CEP162: variants seen among roughly 807,000 people sequenced by gnomAD.
CEP162 encodes the protein centrosomal protein of 162 kDa.
In CEP162, 141 loss-of-function variants were observed where a neutral mutation model predicts 169.2. That is an observed-to-expected ratio of 0.83 (90% CI 0.73 to 0.96). The LOEUF (loss-of-function observed/expected upper bound fraction) is 0.96. CEP162 is among the 40% of genes least tolerant of loss of function. The pLI, the probability that CEP162 is intolerant of heterozygous loss-of-function variation, is 0.00. For synonymous variants in CEP162, 540 were observed against 526.4 expected (o/e 1.03, Z -0.35); for missense variants, 1,600 against 1,587.2 (o/e 1.01, Z -0.14).
chr6:84,205,137 C>T (rs1168440728), intron 6 of CEP162, among the ~76,000 whole-genome samples: 1 of 152,096 alleles, frequency 6.6e-6, no homozygotes, highest in Non-Finnish European at 1.5e-5. Context: ...CCAAATTCTA[C>T]CAGAGGTACA....
At chr6:84,211,479 A>G (rs2099549419) in intron 6 of CEP162, among the ~76,000 whole-genome samples, 1 of 140,212 alleles carries the variant, frequency 7.1e-6, no homozygotes, top group South Asian at 2.6e-4. Flanking sequence ...GTTAGCCGAG[A>G]TGGTATCACT....
intron 25 of CEP162, among the ~76,000 whole-genome samples, chr6:84,138,215 CCTT>C (rs2099514991): frequency 6.6e-6 from 1 of 152,242 alleles, no homozygotes; most frequent in East Asian, 1.9e-4. Flanking sequence ...GGAGACTCCT[CCTT>C]TAAATAACTA....
At chr6:84,211,895 CAA>C (rs577310104) in intron 6 of CEP162, among the ~76,000 whole-genome samples, 4 of 104,712 alleles carry the variant, frequency 3.8e-5, no homozygotes, top group Non-Finnish European at 2.1e-5. Flanking sequence ...GTCAAATTGC[CAA>C]AAAAAAAAAA....
chr6:84,170,742 T>C (rs1244237218), intron 17 of CEP162, among the ~76,000 whole-genome samples: 1 of 152,194 alleles, frequency 6.6e-6, no homozygotes, highest in Non-Finnish European at 1.5e-5. Flanking sequence ...TAAAAGAAGA[T>C]AGTATGCTAG....
intron 14 of CEP162, 123 bp downstream of exon 14, chr6:84,175,091 G>C: frequency 1.2e-6 from 1 of 863,252 alleles, no homozygotes; most frequent in Non-Finnish European, 1.7e-6. Context: ...TTTAGTAAGA[G>C]TGATTACAGT....
At chr6:84,148,191 T>C (rs1330296087) in intron 24 of CEP162, among the ~76,000 whole-genome samples, 1 of 152,116 alleles carries the variant, frequency 6.6e-6, no homozygotes, top group Non-Finnish European at 1.5e-5. Flanking sequence ...GTATTTTTCA[T>C]TAACGTAGTC....
At chr6:84,196,859 A>G (rs1237999196) in intron 9 of CEP162, among the ~76,000 whole-genome samples, 1 of 152,230 alleles carries the variant, frequency 6.6e-6, no homozygotes, top group Non-Finnish European at 1.5e-5. Flanking sequence ...TACATGAAGT[A>G]TATCCAAATA....
In CEP162 at chr6:84,126,592, A is replaced by G; in HGVS notation, c.3871-80T>C. On this transcript the variant is annotated intron_variant, in intron 25 of 26. Coordinates refer to ENST00000403245, the MANE Select transcript of CEP162 (RefSeq NM_014895.4). ...TAATCTTGAAAATCAGAATATTTGT[A>G]TAAAATTTCTCTATATAAGTAAGAG... 5 of 1,088,680 alleles carry G rather than the reference A, an allele frequency of 4.6e-6. No individual in the cohort carries two copies. In the South Asian group the frequency reaches 7.3e-5, roughly 16 times the overall value. 67.4% of individuals were successfully genotyped at this position (1,088,680 alleles called of 1,614,324 possible).
intron 3 of CEP162, among the ~76,000 whole-genome samples, chr6:84,219,389 A>C (rs907234741): frequency 2.0e-5 from 3 of 152,318 alleles, no homozygotes; most frequent in African/African-American, 7.2e-5. Flanking sequence ...ACATTTAAAA[A>C]AATTATTAAT....
chr6:84,196,163 C>G (rs1649118631), intron 9 of CEP162, among the ~76,000 whole-genome samples: 1 of 152,096 alleles, frequency 6.6e-6, no homozygotes, highest in African/African-American at 2.4e-5. Flanking sequence ...ATGGGAGGGA[C>G]CTGGTGGGAG....
intron 2 of CEP162, among the ~76,000 whole-genome samples, chr6:84,221,943 C>T (rs1366227488): frequency 1.3e-5 from 2 of 152,044 alleles, no homozygotes; most frequent in African/African-American, 4.8e-5. Context: ...TCTCTCTCTA[C>T]TCCCCGCCCT....
At chr6:84,154,507 G>A (rs1480517382) in intron 22 of CEP162, among the ~76,000 whole-genome samples, 1 of 152,028 alleles carries the variant, frequency 6.6e-6, no homozygotes, top group African/African-American at 2.4e-5. Context: ...ACTGTTTCTG[G>A]AATCTAATGT....
intron 9 of CEP162, among the ~76,000 whole-genome samples, chr6:84,199,408 T>C (rs2099543519): frequency 1.3e-5 from 2 of 152,162 alleles, no homozygotes; most frequent in African/African-American, 4.8e-5. Context: ...ATAAGAGATG[T>C]GATGGACATT....
chr6:84,178,105 T>C (rs558087268), intron 13 of CEP162, among the ~76,000 whole-genome samples: 1 of 152,328 alleles, frequency 6.6e-6, no homozygotes, highest in African/African-American at 2.4e-5. Flanking sequence ...TTTTGGCTAC[T>C]GCCAAACTTT....
At chr6:84,143,592 C>CA (rs1035680174) in intron 25 of CEP162, among the ~76,000 whole-genome samples, 15 of 151,252 alleles carry the variant, frequency 9.9e-5, no homozygotes, top group Admixed American at 3.3e-4. Flanking sequence ...GAACGAAGAA[C>CA]AAAAAAATGA....
At chr6:84,153,763 G>A (rs1316240884) in intron 22 of CEP162, among the ~76,000 whole-genome samples, 1 of 152,140 alleles carries the variant, frequency 6.6e-6, no homozygotes, top group African/African-American at 2.4e-5. Flanking sequence ...ATGACCTTAT[G>A]CCAAGCAACA....
At chr6:84,191,852 C>CA (rs1325492090) in intron 11 of CEP162, among the ~76,000 whole-genome samples, 2 of 152,152 alleles carry the variant, frequency 1.3e-5, no homozygotes, top group Non-Finnish European at 2.9e-5. Context: ...GGCACAGAAA[C>CA]AAACGACATT....
At chr6:84,132,174 C>A (rs1283376364) in intron 25 of CEP162, among the ~76,000 whole-genome samples, 1 of 152,234 alleles carries the variant, frequency 6.6e-6, no homozygotes, top group African/African-American at 2.4e-5. Context: ...TTGGCCCCCA[C>A]TCTCTTCTGG....
At chr6:84,161,098 G>C (rs542600946) in intron 20 of CEP162, among the ~76,000 whole-genome samples, 182 bp from the exon 21 acceptor site, 1 of 152,276 alleles carries the variant, frequency 6.6e-6, no homozygotes, top group Middle Eastern at 3.4e-3. Context: ...TCTGGCAGGA[G>C]ATATGGAGGG....
Sources: gnomAD v4.1 joint callset for allele counts (sites outside exome capture counted in the v4.1 genomes callset) on GRCh38, gnomAD v4.1.1 for gene constraint, MANE v1.5 for transcripts, NCBI Gene and HGNC (gene_info 2026-07-23, HGNC 2026-07-21) for gene names.